The following IL12RB1 variants were observed in gnomAD, a reference collection of about 807,000 sequenced individuals.
IL12RB1 encodes the protein interleukin-12 receptor subunit beta-1.
IL12RB1 carries 64 observed loss-of-function variants against 94.4 expected under a neutral mutation model. That is an observed-to-expected ratio of 0.68 (90% CI 0.55 to 0.83). The LOEUF is 0.83. Among genes scored for constraint, IL12RB1 ranks in the 40% least tolerant of loss-of-function variants. The pLI is 0.00. For synonymous variants in IL12RB1, 362 were observed against 355.5 expected (o/e 1.02, Z -0.21); for missense variants, 814 against 855.6 (o/e 0.95, Z 0.61).
Position 18,069,684 on chromosome 19 carries a change from T to C in IL12RB1, c.1051A>G (p.Thr351Ala). The C allele has an allele frequency of 6.2e-7, 1 of 1,612,760 alleles. No homozygotes were observed. Among genetic ancestry groups the C allele is most frequent in the Non-Finnish European group, 8.5e-7 (1 of 1,179,190 alleles). The change falls in exon 10 of 17, where the codon ACC becomes GCC. Residue 351 changes from threonine (T) to alanine (A), a missense_variant. Coordinates refer to ENST00000593993, the MANE Select transcript of IL12RB1 (RefSeq NM_005535.3). ...EPVALNISVGTNGTTMYWPAR... is the reference protein window; with the variant it reads ...EPVALNISVGANGTTMYWPAR... ...GGCCAATACATGGTGGTCCCGTTGG[T>C]TCCGACGCTGATATTCAGAGCCACT... is the stretch of plus-strand genomic sequence containing the variant.
chr19:18,083,122 A>AG, intron 2 of IL12RB1: 1 of 523,212 alleles, frequency 1.9e-6, no homozygotes, highest in Non-Finnish European at 3.4e-6. Context: ...ATAATTTATC[A>AG]GGTTGGGGGG....
At chr19:18,093,511 G>A (rs1159917827) in intron 1 of IL12RB1, among the ~76,000 whole-genome samples, 2 of 151,896 alleles carry the variant, frequency 1.3e-5, no homozygotes, top group Non-Finnish European at 2.9e-5. Context: ...ATGGAGCAGC[G>A]GATTTGAGAC....
At chr19:18,069,799 C>T (rs1337099230) in intron 9 of IL12RB1, 86 bp from the exon 10 acceptor site, 4 of 996,830 alleles carry the variant, frequency 4.0e-6, no homozygotes, top group Admixed American at 1.7e-5. Flanking sequence ...CTCTCTCCCA[C>T]CCTCTCGTCT....
chr19:18,091,101 T>A (rs2036605458), upstream of IL12RB1, among the ~76,000 whole-genome samples: 1 of 151,970 alleles, frequency 6.6e-6, no homozygotes, highest in Non-Finnish European at 1.5e-5. Context: ...TAGGGAGCCA[T>A]GGCAGGTGTG....
At chr19:18,084,888 G>A (rs1019751213) in intron 1 of IL12RB1, among the ~76,000 whole-genome samples, 3 of 152,244 alleles carry the variant, frequency 2.0e-5, no homozygotes, top group Non-Finnish European at 4.4e-5. Flanking sequence ...AGAAGTGGAG[G>A]TGTGCCTGGG....
intron 1 of IL12RB1, among the ~76,000 whole-genome samples, chr19:18,095,328 C>A (rs1305770856): frequency 6.6e-6 from 1 of 152,144 alleles, no homozygotes; most frequent in East Asian, 1.9e-4. Context: ...TACATATATA[C>A]AATGGAATAT....
intron 1 of IL12RB1, among the ~76,000 whole-genome samples, chr19:18,094,070 A>C (rs987729284): frequency 3.9e-5 from 6 of 152,212 alleles, no homozygotes; most frequent in African/African-American, 1.4e-4. Context: ...CATTTAAATT[A>C]AATTCCCAGT....
chr19:18,087,816 C>G (rs900663284), upstream of IL12RB1, among the ~76,000 whole-genome samples: 1 of 152,120 alleles, frequency 6.6e-6, no homozygotes. Flanking sequence ...GCCACCGCAC[C>G]GGGCCATCTC....
In IL12RB1 at chr19:18,080,857, C is replaced by T; in HGVS notation, c.384G>A (p.Glu128=). ...WARNQTEKSP[E]VTLQLYNSVK... ...CTGAGTTGTAGAGCTGCAGGGTCACCTCAGGAGACTTCTCTGTCTGGTTCC... is the reference window on the plus strand; with the variant it reads ...CTGAGTTGTAGAGCTGCAGGGTCACTTCAGGAGACTTCTCTGTCTGGTTCC... The change falls in exon 4 of 17, where the codon GAG becomes GAA. Residue 128 remains glutamate, a synonymous_variant. Transcript: ENST00000593993. 1.2e-6 allele frequency: 2 copies of T among 1,612,010 alleles called. No homozygotes were observed. Among genetic ancestry groups the T allele is most frequent in the Non-Finnish European group, 1.7e-6 (2 of 1,178,156 alleles).
chr19:18,061,232 G>GTT, intron 14 of IL12RB1, 35 bp from the exon 15 acceptor site: 5 of 1,033,828 alleles, frequency 4.8e-6, no homozygotes, highest in Non-Finnish European at 7.0e-6. Context: ...GAGGAGCTGA[G>GTT]GTTTTTTTTT....
intron 1 of IL12RB1, among the ~76,000 whole-genome samples, chr19:18,092,601 C>T (rs1488248191): frequency 2.7e-5 from 4 of 150,278 alleles, no homozygotes; most frequent in African/African-American, 7.3e-5. Context: ...ACCTGGTAGG[C>T]GGAGGTTGCA....
intron 7 of IL12RB1, 23 bp from the exon 8 acceptor site, chr19:18,073,622 TA>T: frequency 1.4e-6 from 2 of 1,424,188 alleles, no homozygotes; most frequent in Non-Finnish European, 9.9e-7. Flanking sequence ...CCAAACCAAC[TA>T]GACGAATTGG....
At chr19:18,059,807 G>A in intron 16 of IL12RB1, 87 bp downstream of exon 16, 1 of 797,662 alleles carries the variant, frequency 1.3e-6, no homozygotes, top group Non-Finnish European at 2.2e-6. Context: ...TCCAGGCCCT[G>A]ATATCCCAGG....
intron 10 of IL12RB1, among the ~76,000 whole-genome samples, chr19:18,069,165 A>T (rs919288143): frequency 6.6e-6 from 1 of 152,174 alleles, no homozygotes; most frequent in Non-Finnish European, 1.5e-5. Flanking sequence ...AGGAAGCGGG[A>T]GAGTGAGAGG....
At chr19:18,062,343 G>A (rs1188884931) in intron 13 of IL12RB1, 66 bp from the exon 14 acceptor site, 2 of 994,954 alleles carry the variant, frequency 2.0e-6, no homozygotes, top group East Asian at 2.4e-5. Context: ...AAGGAGCTAG[G>A]AGGGCCTGGT....
At position 18,080,932 on chromosome 19, in the gene IL12RB1, A is replaced by G. The variant is rs369830496; in HGVS notation, c.309T>C (p.Ala103=). 362 of 1,613,908 alleles carry G rather than the reference A, an allele frequency of 2.2e-4. 2 individuals are homozygous for G. The highest frequency in any genetic ancestry group is 2.9e-4 in the Non-Finnish European group (344 of 1,179,942). ...TGACAGTGTACAGCACAGACACCCC[A>G]GCCTGGTCGGAGAACTGCAGCCTGG... ...SATRLQFSDQ[A]GVSVLYTVTL... is the part of the protein sequence containing the mutation. Residue 103 remains alanine, a synonymous_variant, in exon 4 of 17, where the codon GCT becomes GCC. Coordinates refer to ENST00000593993, the MANE Select transcript of IL12RB1 (RefSeq NM_005535.3).
intron 4 of IL12RB1, among the ~76,000 whole-genome samples, chr19:18,080,550 C>A (rs1405838156): frequency 1.3e-5 from 2 of 151,990 alleles, no homozygotes; most frequent in Non-Finnish European, 2.9e-5. Context: ...TACATGATGT[C>A]GAGTCATGAG....
intron 5 of IL12RB1, 69 bp from the exon 6 acceptor site, chr19:18,076,396 T>C (rs1218022302): frequency 2.5e-6 from 2 of 804,654 alleles, no homozygotes; most frequent in African/African-American, 1.7e-5. Context: ...GTTTTACAAT[T>C]AGTTATTTAT....
At chr19:18,062,765 T>A (rs1036547510) in intron 13 of IL12RB1, among the ~76,000 whole-genome samples, 1 of 151,562 alleles carries the variant, frequency 6.6e-6, no homozygotes, top group Non-Finnish European at 1.5e-5. Context: ...AGAGGGAAAA[T>A]CTGTCTCAAA....
Sources: gnomAD v4.1 joint callset for allele counts (sites outside exome capture counted in the v4.1 genomes callset) on GRCh38, gnomAD v4.1.1 for gene constraint, MANE v1.5 for transcripts, NCBI Gene and HGNC (gene_info 2026-07-23, HGNC 2026-07-21) for gene names.